PCDH11X: variants seen among roughly 807,000 people sequenced by gnomAD.
PCDH11X encodes protocadherin 11 X-linked.
In PCDH11X, 18 loss-of-function variants were observed where a neutral mutation model predicts 53.3. The ratio of observed to expected loss-of-function variants is 0.34; its 90% CI spans 0.23 to 0.50. The LOEUF is 0.50. Ranked by LOEUF, PCDH11X falls within the 20% of genes least tolerant of loss-of-function variation. PCDH11X has a pLI of 0.98. For missense variants in PCDH11X, 570 were observed against 1,032.4 expected (o/e 0.55, Z 6.14); for synonymous variants, 279 against 393.3 (o/e 0.71, Z 3.44).
intron 8 of PCDH11X, among the ~76,000 whole-genome samples, chrX:92,314,748 T>C (rs1171125066): frequency 1.8e-5 from 2 of 110,416 alleles, no homozygotes; most frequent in African/African-American, 6.6e-5. Context: ...ACCAAAACAT[T>C]GAGCGGCACA....
chrX:92,561,409 CA>C (rs2075129537), intron 10 of PCDH11X, among the ~76,000 whole-genome samples: 1 of 71,636 alleles, frequency 1.4e-5, no homozygotes, highest in African/African-American at 4.8e-5. Context: ...CAAGATAACA[CA>C]GAGAAGTTAT....
At chrX:92,200,761 A>AT (rs1324849604) in intron 6 of PCDH11X, among the ~76,000 whole-genome samples, 1 of 112,287 alleles carries the variant, frequency 8.9e-6, no homozygotes, top group Non-Finnish European at 1.9e-5. Flanking sequence ...CACAAGATTG[A>AT]TTTTAATTTG....
At chrX:92,003,117 C>G (rs1314429314) in intron 6 of PCDH11X, among the ~76,000 whole-genome samples, 6 of 104,238 alleles carry the variant, frequency 5.8e-5, no homozygotes, top group African/African-American at 2.1e-4. Flanking sequence ...TGAATTCTAT[C>G]AAATGGTTTT....
chrX:92,576,725 G>GT (rs1461724403), intron 10 of PCDH11X, among the ~76,000 whole-genome samples: 3 of 108,426 alleles, frequency 2.8e-5, no homozygotes, highest in Non-Finnish European at 3.8e-5. Context: ...TTGTTTGCCT[G>GT]TTTTTTTACT....
chrX:92,622,812 A>G lies in PCDH11X; in HGVS notation c.*3872A>G, dbSNP rs1928604154. The stretch of plus-strand genomic sequence containing the variant: ...GTGCTTTTAGTAAATATGATTTTTA[A>G]AAGCAGTTCAAGTTGACAACAGCAG... On this transcript the variant is annotated 3_prime_UTR_variant, in exon 11 of 11. Transcript: ENST00000682573. 9.1e-6 allele frequency: 1 copy of G among 109,779 alleles called. No homozygotes were observed. The highest frequency in any genetic ancestry group is 4.2e-3 in the Middle Eastern group (1 of 236). 9.0% of individuals were successfully genotyped at this position (109,779 alleles called of 1,213,427 possible).
intron 7 of PCDH11X, among the ~76,000 whole-genome samples, chrX:92,259,182 A>G (rs2067661509): frequency 9.0e-6 from 1 of 111,288 alleles, no homozygotes; most frequent in South Asian, 3.8e-4. Flanking sequence ...TCTGCCTGTT[A>G]CCAAATTCCA....
rs1347703648 is a variant in PCDH11X, at chrX:92,153,877, TA to T, written c.3034-47497del. Among the ~76,000 whole-genome samples the T allele has an allele frequency of 4.5e-5, 5 of 110,660 alleles. No homozygotes were observed. In the Admixed American group the frequency reaches 4.9e-4, roughly 11 times the overall value. On this transcript the variant is annotated intron_variant, in intron 6 of 10. Coordinates refer to ENST00000682573, the MANE Select transcript of PCDH11X (RefSeq NM_032968.5). ...GCTGTTTTATTGCAAGTTTCTGTAA[TA>T]TTTTTGATGAAAACAAATAACAAAG...
At chrX:92,533,849 G>A (rs933929311) in intron 10 of PCDH11X, among the ~76,000 whole-genome samples, 4 of 107,621 alleles carry the variant, frequency 3.7e-5, no homozygotes, top group African/African-American at 1.0e-4. Context: ...GAAAGGAATA[G>A]CATCAACACC....
At chrX:91,863,864 G>C (rs1938823305) in intron 5 of PCDH11X, among the ~76,000 whole-genome samples, 1 of 111,704 alleles carries the variant, frequency 9.0e-6, no homozygotes, top group African/African-American at 3.3e-5. Flanking sequence ...TGCATAAACT[G>C]ACAATCAAAA....
At chrX:92,088,926 C>T (rs1569348157) in intron 6 of PCDH11X, among the ~76,000 whole-genome samples, 1 of 109,783 alleles carries the variant, frequency 9.1e-6, no homozygotes, top group Admixed American at 9.8e-5. Context: ...GAAGAAATTA[C>T]CAAAACAAAA....
rs772832648 is a variant in PCDH11X at position 92,601,600 on chromosome X, A to C, written c.3368-16664A>C. Among the ~76,000 whole-genome samples, 866 of 110,810 alleles carry C rather than the reference A, an allele frequency of 7.8e-3. 3 individuals are homozygous for C. The highest frequency in any genetic ancestry group is 0.027 in the African/African-American group (820 of 30,351). ...AGTTGAAATAGAGATTCAAACAGGT[A>C]TCAGTACCCATATTCATAGCCGCAT... On this transcript the variant is annotated intron_variant, in intron 10 of 10. Coordinates refer to ENST00000682573, the MANE Select transcript of PCDH11X (RefSeq NM_032968.5).
At chrX:92,190,333 A>G (rs1432466084) in intron 6 of PCDH11X, among the ~76,000 whole-genome samples, 1 of 111,692 alleles carries the variant, frequency 9.0e-6, no homozygotes, top group Non-Finnish European at 1.9e-5. Context: ...TTCTTTCCCC[A>G]TTGCTTGCTC....
chrX:92,114,855 G>A (rs1325842373), intron 6 of PCDH11X, among the ~76,000 whole-genome samples: 4 of 108,839 alleles, frequency 3.7e-5, no homozygotes, highest in Non-Finnish European at 3.8e-5. Flanking sequence ...TTTTTGAGAC[G>A]GAGTCTTGCT....
chrX:91,922,485 G>A (rs1246497478), intron 6 of PCDH11X, among the ~76,000 whole-genome samples: 1 of 111,567 alleles, frequency 9.0e-6, no homozygotes, highest in Non-Finnish European at 1.9e-5. Context: ...TTAGGAACTG[G>A]GGCCACACAG....
intron 6 of PCDH11X, among the ~76,000 whole-genome samples, chrX:92,159,585 TA>T (rs1268397486): frequency 9.9e-6 from 1 of 101,334 alleles, no homozygotes; most frequent in Non-Finnish European, 2.0e-5. Flanking sequence ...AATGAAAAGG[TA>T]ATTGGTGGTA....
intron 6 of PCDH11X, among the ~76,000 whole-genome samples, chrX:92,165,313 A>C (rs2065715037): frequency 8.9e-6 from 1 of 112,033 alleles, no homozygotes; most frequent in African/African-American, 3.2e-5. Context: ...TATTTTGAAA[A>C]GTGAAAGTTG....
intron 10 of PCDH11X, among the ~76,000 whole-genome samples, chrX:92,565,001 A>C (rs774524557): frequency 2.9e-4 from 32 of 111,222 alleles, no homozygotes; most frequent in Non-Finnish European, 6.1e-4. Context: ...TACAAATGAC[A>C]AACAGGCATA....
intron 9 of PCDH11X, among the ~76,000 whole-genome samples, chrX:92,425,434 G>T (rs113553612): frequency 0.072 from 7,533 of 105,166 alleles, 403 homozygotes; most frequent in African/African-American, 0.17. Flanking sequence ...AGGAATCAAA[G>T]GTGACTCCAT....
intron 8 of PCDH11X, among the ~76,000 whole-genome samples, chrX:92,355,236 G>A (rs1365365304): frequency 5.7e-5 from 5 of 87,130 alleles, no homozygotes; most frequent in Non-Finnish European, 8.5e-5. Flanking sequence ...GACCATCCCG[G>A]CTAAAACGGT....
Sources: allele counts gnomAD v4.1 joint callset (sites outside exome capture counted in the v4.1 genomes callset), GRCh38; gene constraint gnomAD v4.1.1; transcripts MANE v1.5; gene names NCBI Gene and HGNC (gene_info 2026-07-23, HGNC 2026-07-21).